Variants in DIAPH3 observed in about 807,000 individuals in gnomAD.
The protein encoded by DIAPH3 is diaphanous related formin 3.
In DIAPH3, 117 loss-of-function variants were observed where a neutral mutation model predicts 144.3. The observed-to-expected ratio is 0.81, with a 90% CI of 0.70 to 0.95. The LOEUF is 0.95. Among genes scored for constraint, DIAPH3 ranks in the 40% least tolerant of loss-of-function variants. The pLI is 0.00. For synonymous variants in DIAPH3, 519 were observed against 488.9 expected (o/e 1.06, Z -0.81); for missense variants, 1,421 against 1,412.7 (o/e 1.01, Z -0.09).
chr13:59,676,365 C>T (rs774678175), intron 27 of DIAPH3, among the ~76,000 whole-genome samples: 1 of 152,196 alleles, frequency 6.6e-6, no homozygotes, highest in African/African-American at 2.4e-5. Context: ...ATCTTAGTCA[C>T]TGGCTCTGTT....
intron 25 of DIAPH3, among the ~76,000 whole-genome samples, chr13:59,801,191 T>C (rs1440529221): frequency 6.6e-6 from 1 of 152,226 alleles, no homozygotes; most frequent in Non-Finnish European, 1.5e-5. Context: ...GACTTTTTCT[T>C]AGTTCTTGGC....
At chr13:59,773,615 T>A (rs759185450) in intron 27 of DIAPH3, among the ~76,000 whole-genome samples, 6 of 152,202 alleles carry the variant, frequency 3.9e-5, no homozygotes, top group Non-Finnish European at 8.8e-5. Context: ...GAGAGTTCTA[T>A]GCGGTTGGGC....
At chr13:60,061,455 G>A (rs936505480) in intron 4 of DIAPH3, among the ~76,000 whole-genome samples, 3 of 151,920 alleles carry the variant, frequency 2.0e-5, no homozygotes, top group African/African-American at 7.2e-5. Context: ...AGCCTCTCCA[G>A]AGGCTTAGAA....
chr13:60,099,865 T>G (rs1262925028), intron 3 of DIAPH3, among the ~76,000 whole-genome samples: 1 of 136,554 alleles, frequency 7.3e-6, no homozygotes, highest in Non-Finnish European at 1.6e-5. Context: ...CCAAAAAGAC[T>G]AGAATTAAAA....
intron 27 of DIAPH3, among the ~76,000 whole-genome samples, chr13:59,709,843 C>T (rs889077452): frequency 2.0e-5 from 3 of 152,050 alleles, no homozygotes; most frequent in Non-Finnish European, 4.4e-5. Context: ...TTGGAACCAA[C>T]CCAAATGTCC....
chr13:59,906,672 C>T (rs913470857), intron 20 of DIAPH3, among the ~76,000 whole-genome samples: 1 of 152,098 alleles, frequency 6.6e-6, no homozygotes, highest in African/African-American at 2.4e-5. Flanking sequence ...GACATTTGTT[C>T]GATTCAATCT....
chr13:59,925,349 A>C (rs1006366769), intron 17 of DIAPH3, among the ~76,000 whole-genome samples: 4 of 152,142 alleles, frequency 2.6e-5, no homozygotes, highest in Non-Finnish European at 5.9e-5. Flanking sequence ...AAATTAACAG[A>C]ATAAATTTTA....
intron 22 of DIAPH3, among the ~76,000 whole-genome samples, chr13:59,853,155 A>T (rs886359088): frequency 1.3e-5 from 2 of 152,220 alleles, no homozygotes; most frequent in African/African-American, 4.8e-5. Flanking sequence ...CAGGTGAACC[A>T]GTTACCTAAC....
intron 24 of DIAPH3, among the ~76,000 whole-genome samples, chr13:59,822,779 T>C (rs758729364): frequency 2.2e-4 from 33 of 152,186 alleles, no homozygotes; most frequent in Non-Finnish European, 3.2e-4. Context: ...ACATAAAAAA[T>C]AGCCTTAAGT....
intron 14 of DIAPH3, among the ~76,000 whole-genome samples, chr13:59,975,343 G>C (rs1309481454): frequency 6.6e-6 from 1 of 151,932 alleles, no homozygotes; most frequent in Non-Finnish European, 1.5e-5. Context: ...TTTTTACTTA[G>C]TTTATAAAGG....
In DIAPH3 at chr13:59,911,815, C is replaced by A; in HGVS notation, c.2287G>T (p.Asp763Tyr). 1 of 1,612,420 alleles carries A rather than the reference C, an allele frequency of 6.2e-7. No individual in the cohort carries two copies. The highest frequency in any genetic ancestry group is 1.7e-5 in the Admixed American group (1 of 60,006). ...GACAATGAATTTAATTGCTCTTGAT[C>A]AGGAAGATGCTTTATTAAGTTCTAA... ...MIQNLIKHLP[D>Y]QEQLNSLSQF... is the part of the protein sequence containing the mutation. The change falls in exon 20 of 28, where the codon GAT becomes TAT. Residue 763 changes from aspartate (D) to tyrosine (Y), a missense_variant. Asp to Tyr is a radical substitution (Grantham distance 160, BLOSUM62 -3). Transcript: ENST00000400324.
At chr13:59,724,129 T>A (rs554992623) in intron 27 of DIAPH3, among the ~76,000 whole-genome samples, 3 of 152,264 alleles carry the variant, frequency 2.0e-5, no homozygotes, top group Admixed American at 2.0e-4. Flanking sequence ...GTACATTTAG[T>A]GAAGTATGAA....
At chr13:60,069,526 G>C (rs2057115019) in intron 4 of DIAPH3, among the ~76,000 whole-genome samples, 1 of 152,066 alleles carries the variant, frequency 6.6e-6, no homozygotes, top group South Asian at 2.1e-4. Context: ...ATTGCTTTTG[G>C]AGTCTCCATC....
At chr13:60,125,143 A>T (rs2058952856) in intron 2 of DIAPH3, among the ~76,000 whole-genome samples, 3 of 152,156 alleles carry the variant, frequency 2.0e-5, no homozygotes, top group African/African-American at 7.2e-5. Context: ...CATAGCTAAC[A>T]ATTACATAGT....
chr13:59,825,535 C>A (rs897711700), intron 24 of DIAPH3, among the ~76,000 whole-genome samples: 1 of 152,044 alleles, frequency 6.6e-6, no homozygotes, highest in African/African-American at 2.4e-5. Flanking sequence ...ATTTATAGTC[C>A]TTTGGGTATA....
chr13:59,882,242 C>T (rs888807065), intron 20 of DIAPH3, among the ~76,000 whole-genome samples: 2 of 152,062 alleles, frequency 1.3e-5, no homozygotes, highest in African/African-American at 2.4e-5. Context: ...CCATGAGCCA[C>T]CACGCCCGGC....
intron 27 of DIAPH3, among the ~76,000 whole-genome samples, chr13:59,712,189 C>G (rs1336980800): frequency 2.6e-5 from 4 of 152,176 alleles, no homozygotes; most frequent in Non-Finnish European, 5.9e-5. Flanking sequence ...CAGAAAGAGG[C>G]AGAAGATACA....
At chr13:59,740,242 C>A (rs989600) in intron 27 of DIAPH3, among the ~76,000 whole-genome samples, 148,274 of 152,342 alleles carry the variant, frequency 0.97, 72,187 homozygotes, top group East Asian at 1. Flanking sequence ...TTTTAAGCAC[C>A]GCATTTAAGA....
intron 2 of DIAPH3, among the ~76,000 whole-genome samples, chr13:60,117,468 G>C (rs2058731077): frequency 6.6e-6 from 1 of 151,956 alleles, no homozygotes; most frequent in African/African-American, 2.4e-5. Context: ...TCCTATACTG[G>C]AATAGCAACT....
Sources: allele counts gnomAD v4.1 joint callset (sites outside exome capture counted in the v4.1 genomes callset), GRCh38; gene constraint gnomAD v4.1.1; transcripts MANE v1.5; gene names NCBI Gene and HGNC (gene_info 2026-07-23, HGNC 2026-07-21).